Variants in KSR2 observed in about 807,000 individuals in gnomAD.
The protein encoded by KSR2 is kinase suppressor of ras 2.
Under a neutral mutation model 107.8 loss-of-function variants are expected in KSR2, and 25 were observed. The ratio of observed to expected loss-of-function variants is 0.23; its 90% CI spans 0.17 to 0.32. KSR2 has a LOEUF of 0.32. Among genes scored for constraint, KSR2 ranks in the 10% least tolerant of loss-of-function variants. The probability of loss-of-function intolerance (pLI) is 1.00; values close to 1 mark genes in which losing one functional copy is unlikely to be tolerated. For synonymous variants in KSR2, 480 were observed against 507.0 expected (o/e 0.95, Z 0.71); for missense variants, 887 against 1,268.9 (o/e 0.70, Z 4.57).
chr12:117,843,041 T>C (rs1226848175), intron 3 of KSR2, among the ~76,000 whole-genome samples: 1 of 151,904 alleles, frequency 6.6e-6, no homozygotes, highest in Non-Finnish European at 1.5e-5. Context: ...ATAAAAATAA[T>C]CACAGTCCAG....
chr12:117,618,123 A>G (rs1291072615), intron 5 of KSR2, among the ~76,000 whole-genome samples: 1 of 152,192 alleles, frequency 6.6e-6, no homozygotes, highest in Non-Finnish European at 1.5e-5. Flanking sequence ...GGATGATGTT[A>G]TCTTTCTCCA....
intron 5 of KSR2, among the ~76,000 whole-genome samples, chr12:117,633,404 G>C (rs1049052613): frequency 1.3e-5 from 2 of 152,174 alleles, no homozygotes; most frequent in African/African-American, 4.8e-5. Flanking sequence ...CCTTGCCCAA[G>C]GGCTCCTGGG....
intron 14 of KSR2, among the ~76,000 whole-genome samples, chr12:117,496,795 C>G (rs761511776): frequency 2.6e-5 from 4 of 151,768 alleles, no homozygotes; most frequent in Non-Finnish European, 5.9e-5. Context: ...AACAAAACAA[C>G]AAAACTAGTT....
chr12:117,636,162 T>TTGTAGAA (rs1427150613), intron 5 of KSR2, among the ~76,000 whole-genome samples: 11 of 152,290 alleles, frequency 7.2e-5, no homozygotes, highest in African/African-American at 2.6e-4. Flanking sequence ...TCTTTTTCTA[T>TTGTAGAA]TGTAAGATCC....
chr12:117,855,890 A>G (rs903737121), intron 2 of KSR2, among the ~76,000 whole-genome samples: 8 of 151,980 alleles, frequency 5.3e-5, no homozygotes, highest in Non-Finnish European at 1.2e-4. Context: ...CTGTCTCTCG[A>G]ATGTTTATAA....
intron 4 of KSR2, among the ~76,000 whole-genome samples, chr12:117,757,536 C>A (rs1188159954): frequency 6.6e-6 from 1 of 152,192 alleles, no homozygotes; most frequent in Non-Finnish European, 1.5e-5. Flanking sequence ...TCACATGCTA[C>A]AGAGAATTTT....
At chr12:117,780,085 A>G (rs1297994001) in intron 3 of KSR2, among the ~76,000 whole-genome samples, 1 of 152,244 alleles carries the variant, frequency 6.6e-6, no homozygotes, top group Non-Finnish European at 1.5e-5. Flanking sequence ...TAATTTTTAC[A>G]TGGATTACAA....
chr12:117,787,375 G>A (rs1364072136), intron 3 of KSR2, among the ~76,000 whole-genome samples: 1 of 152,170 alleles, frequency 6.6e-6, no homozygotes, highest in Non-Finnish European at 1.5e-5. Flanking sequence ...GCCCACATCT[G>A]TAATCCCAGC....
At position 117,835,197 on chromosome 12, in the gene KSR2, T is replaced by A. The variant is rs111626733; in HGVS notation, c.472+20231A>T. On this transcript the variant is annotated intron_variant, in intron 3 of 19. Coordinates refer to ENST00000339824, the MANE Select transcript of KSR2 (RefSeq NM_173598.6). ...AACCGAAGCATCCTGCCTCCAGCCC[T>A]GAGCTCCGTCTGCTGTTGCCCCCTT... Among the ~76,000 whole-genome samples, 1,384 of 152,294 alleles carry A rather than the reference T, an allele frequency of 9.1e-3. 20 individuals are homozygous for A. The highest frequency in any genetic ancestry group is 0.031 in the African/African-American group (1,299 of 41,574).
intron 5 of KSR2, among the ~76,000 whole-genome samples, chr12:117,627,910 T>G (rs1310712907): frequency 1.3e-5 from 2 of 152,236 alleles, no homozygotes; most frequent in Non-Finnish European, 1.5e-5. Flanking sequence ...CTTTTTACTC[T>G]TTTTTCTCTA....
rs112891284 is a variant in KSR2 at position 117,734,745 on chromosome 12, C to G, written c.986+26266G>C. Reference sequence around the variant, plus strand: ...TGATGGATGGACGCATGCATGCATGCATGCATGCATGGATGGATGGATGGA... The same window carrying G: ...TGATGGATGGACGCATGCATGCATGGATGCATGCATGGATGGATGGATGGA... On this transcript the variant is annotated intron_variant, in intron 4 of 19. Coordinates refer to ENST00000339824, the MANE Select transcript of KSR2 (RefSeq NM_173598.6). Among the ~76,000 whole-genome samples the G allele has an allele frequency of 1.4e-3, 211 of 146,492 alleles. 2 individuals carry two copies. The highest frequency in any genetic ancestry group is 4.4e-3 in the African/African-American group (178 of 40,238).
chr12:117,687,482 T>C (rs367902989), intron 4 of KSR2, among the ~76,000 whole-genome samples: 1 of 152,138 alleles, frequency 6.6e-6, no homozygotes, highest in Non-Finnish European at 1.5e-5. Flanking sequence ...GGTAGAAAAT[T>C]TGCTTATTTG....
chr12:117,908,809 C>T (rs141782601), intron 1 of KSR2, among the ~76,000 whole-genome samples: 35 of 152,278 alleles, frequency 2.3e-4, no homozygotes, highest in Non-Finnish European at 2.2e-4. Flanking sequence ...AAGTTTCCAC[C>T]GTGAGTCGCA....
chr12:117,561,483 T>C (rs816184), intron 7 of KSR2, among the ~76,000 whole-genome samples: 142,977 of 152,320 alleles, frequency 0.94, 67,173 homozygotes, highest in Middle Eastern at 0.96. Context: ...AACTCAGGCT[T>C]ATCAAATTTG....
intron 5 of KSR2, among the ~76,000 whole-genome samples, chr12:117,652,156 G>A (rs571382798): frequency 3.0e-4 from 45 of 152,246 alleles, no homozygotes; most frequent in Admixed American, 8.5e-4. Context: ...TGGGGACTCA[G>A]GGGCAGTGTG....
intron 12 of KSR2, among the ~76,000 whole-genome samples, chr12:117,528,053 GTA>G: frequency 6.6e-6 from 1 of 151,736 alleles, no homozygotes; most frequent in African/African-American, 2.4e-5. Context: ...AACATGTTGG[GTA>G]TAGATGCTGG....
chr12:117,776,177 C>G (rs1215776817), intron 3 of KSR2, among the ~76,000 whole-genome samples: 2 of 152,102 alleles, frequency 1.3e-5, no homozygotes, highest in African/African-American at 4.8e-5. Context: ...CCCCATATTC[C>G]TTCCCCTCCA....
chr12:117,796,917 C>A (rs1227995918), intron 3 of KSR2, among the ~76,000 whole-genome samples: 1 of 152,184 alleles, frequency 6.6e-6, no homozygotes, highest in Non-Finnish European at 1.5e-5. Flanking sequence ...TTTCTTAATT[C>A]CCCTGATCAC....
At position 117,465,388 on chromosome 12, in the gene KSR2, A is replaced by G. The variant is rs964298496; in HGVS notation, c.*1811T>C. 5 of 152,232 alleles carry G rather than the reference A, an allele frequency of 3.3e-5. No individual in the cohort carries two copies. The highest frequency in any genetic ancestry group is 1.2e-4 in the African/African-American group (5 of 41,454). The allele number at this position is 152,232 out of a possible 1,614,324, so 9.4% of individuals were successfully genotyped here. ...AGGAGCAGCCCAAGCCGGGGTCTTT[A>G]GTCCTCTAGTCCCAGTAAGCTGGGA... On this transcript the variant is annotated 3_prime_UTR_variant, in exon 20 of 20. Transcript: ENST00000339824.
Sources: gnomAD v4.1 joint callset for allele counts (sites outside exome capture counted in the v4.1 genomes callset) on GRCh38, gnomAD v4.1.1 for gene constraint, MANE v1.5 for transcripts, NCBI Gene and HGNC (gene_info 2026-07-23, HGNC 2026-07-21) for gene names.